RBMS2: variants seen among roughly 807,000 people sequenced by gnomAD.
RBMS2 encodes the protein RNA-binding motif, single-stranded-interacting protein 2.
A neutral mutation model predicts 58.4 loss-of-function variants in RBMS2; 38 were observed. The observed-to-expected ratio is 0.65, with a 90% CI of 0.50 to 0.85. RBMS2 has a LOEUF of 0.85. Ranked by LOEUF, RBMS2 falls within the 40% of genes least tolerant of loss-of-function variation. The pLI, the probability that RBMS2 is intolerant of heterozygous loss-of-function variation, is 0.00. For synonymous variants in RBMS2, 151 were observed against 180.7 expected, an observed-to-expected ratio of 0.84 and a Z score of 1.32; for missense variants, 367 against 503.7, an observed-to-expected ratio of 0.73 and a Z score of 2.60.
chr12:56,557,740 TC>T (rs1879481982), intron 1 of RBMS2, among the ~76,000 whole-genome samples: 2 of 149,496 alleles, frequency 1.3e-5, no homozygotes, highest in African/African-American at 2.5e-5. Flanking sequence ...TCTTTTCTTT[TC>T]TTTTTTTTTT....
chr12:56,521,749 C>T (rs1421710809), upstream of RBMS2, among the ~76,000 whole-genome samples: 1 of 151,924 alleles, frequency 6.6e-6, no homozygotes, highest in African/African-American at 2.4e-5. Flanking sequence ...ACATCTTGGG[C>T]ATTAGGACCC....
At chr12:56,578,781 ATGG>A (rs1302098698) in intron 5 of RBMS2, among the ~76,000 whole-genome samples, 2 of 151,996 alleles carry the variant, frequency 1.3e-5, no homozygotes, top group Non-Finnish European at 2.9e-5. Context: ...CCTGGACAAC[ATGG>A]TGAAACCCCA....
At chr12:56,571,151 CA>C (rs1882231333) in intron 4 of RBMS2, among the ~76,000 whole-genome samples, 1 of 152,178 alleles carries the variant, frequency 6.6e-6, no homozygotes, top group Non-Finnish European at 1.5e-5. Context: ...GACAAAAGCT[CA>C]AAGGTTTAGG....
intron 1 of RBMS2, among the ~76,000 whole-genome samples, chr12:56,524,394 G>T (rs1052659243): frequency 6.6e-6 from 1 of 150,978 alleles, no homozygotes; most frequent in Non-Finnish European, 1.5e-5. Flanking sequence ...GTTTGTGAAC[G>T]TGGAGGGTTT....
chr12:56,580,782 G>T (rs1270408819), intron 5 of RBMS2, among the ~76,000 whole-genome samples: 1 of 152,080 alleles, frequency 6.6e-6, no homozygotes, highest in African/African-American at 2.4e-5. Flanking sequence ...ACAACAAGGA[G>T]CAAAAAATAA....
chr12:56,587,437 A>AT lies in RBMS2; in HGVS notation c.952-117_952-116insT. 9.1e-6 allele frequency: 10 copies of AT among 1,103,554 alleles called. No homozygotes were observed. The South Asian group carries it at 1.7e-4, about 18-fold the overall frequency. The allele number at this position is 1,103,554 out of a possible 1,614,324, so 68.4% of individuals were successfully genotyped here. ...TGCATAGTTGGGTTGCTGCTCACTT[A>AT]CCATTTCCCAGGATTCTTAAATGTC... On this transcript the variant is annotated intron_variant, in intron 10 of 13. Transcript: ENST00000262031.
chr12:56,542,075 G>A (rs899227832), intron 1 of RBMS2, among the ~76,000 whole-genome samples: 1 of 151,584 alleles, frequency 6.6e-6, no homozygotes, highest in East Asian at 1.9e-4. Flanking sequence ...TTTGAGACAG[G>A]GTCTCACTGT....
intron 1 of RBMS2, among the ~76,000 whole-genome samples, chr12:56,559,723 C>T (rs1468608400): frequency 3.3e-5 from 5 of 149,780 alleles, no homozygotes; most frequent in Non-Finnish European, 7.4e-5. Flanking sequence ...TGGTGGCGGG[C>T]GCCTGTAGTC....
chr12:56,533,564 T>C (rs553582213), intron 1 of RBMS2, among the ~76,000 whole-genome samples: 41 of 151,626 alleles, frequency 2.7e-4, no homozygotes, highest in Admixed American at 1.8e-3. Context: ...TATAGGCGCA[T>C]GCCACTACAC....
intron 1 of RBMS2, among the ~76,000 whole-genome samples, chr12:56,537,058 T>C (rs1219375003): frequency 6.6e-6 from 1 of 151,868 alleles, no homozygotes; most frequent in East Asian, 1.9e-4. Flanking sequence ...GTAGCTGGGA[T>C]TACGGGCACC....
chr12:56,545,743 G>T (rs1877047802), intron 1 of RBMS2, among the ~76,000 whole-genome samples: 1 of 152,074 alleles, frequency 6.6e-6, no homozygotes, highest in Admixed American at 6.6e-5. Flanking sequence ...ACTTCACATT[G>T]TACCATGTAT....
In RBMS2 at chr12:56,594,506, C is replaced by G. The variant is rs748079773; in HGVS notation, c.*5373C>G. The stretch of plus-strand genomic sequence containing the variant: ...TGTTATACCAATCCTTCCTGATTCC[C>G]GTTTAAACCAACTACTCTATTTCTG... On this transcript the variant is annotated 3_prime_UTR_variant, in exon 14 of 14. Coordinates refer to ENST00000262031, the MANE Select transcript of RBMS2 (RefSeq NM_002898.4). 1 of 152,190 alleles carries G rather than the reference C, an allele frequency of 6.6e-6. No homozygotes were observed. The highest frequency in any genetic ancestry group is 2.4e-5 in the African/African-American group (1 of 41,446). The allele number at this position is 152,190 out of a possible 1,614,324, so 9.4% of individuals were successfully genotyped here.
At chr12:56,555,704 C>A (rs1879113713) in intron 1 of RBMS2, among the ~76,000 whole-genome samples, 1 of 152,094 alleles carries the variant, frequency 6.6e-6, no homozygotes. Flanking sequence ...ATCCTCCCAC[C>A]TCAGTCTCCT....
intron 1 of RBMS2, among the ~76,000 whole-genome samples, chr12:56,550,899 T>G (rs1185455454): frequency 6.6e-6 from 1 of 150,882 alleles, no homozygotes; most frequent in East Asian, 1.9e-4. Flanking sequence ...AGGGATAGGC[T>G]GAGGCAGGAG....
chr12:56,541,343 G>A (rs941566752), intron 1 of RBMS2, among the ~76,000 whole-genome samples: 2 of 152,036 alleles, frequency 1.3e-5, no homozygotes, highest in Non-Finnish European at 2.9e-5. Flanking sequence ...GAATGAAATT[G>A]ATTTACTTTA....
chr12:56,560,600 G>A (rs568820607), intron 1 of RBMS2, among the ~76,000 whole-genome samples: 3 of 151,970 alleles, frequency 2.0e-5, no homozygotes, highest in East Asian at 3.9e-4. Context: ...TTGTTATATT[G>A]CCCAGGCTGG....
At chr12:56,569,065 G>C (rs754445982) in intron 3 of RBMS2, 32 bp downstream of exon 3, 2 of 1,573,332 alleles carry the variant, frequency 1.3e-6, no homozygotes. Flanking sequence ...GTGTTGGAGA[G>C]CACCAGTAAG....
chr12:56,551,853 C>T lies in RBMS2; in HGVS notation c.67-10564C>T, dbSNP rs193133323. On this transcript the variant is annotated intron_variant, in intron 1 of 13. Coordinates refer to ENST00000262031, the MANE Select transcript of RBMS2 (RefSeq NM_002898.4). ...CTGTAATCCCAGCATTTTGGGAAGC[C>T]GAGGTGGGCAGATCACCTGAGGTCG... Among the ~76,000 whole-genome samples the T allele has an allele frequency of 2.7e-4, 41 of 152,230 alleles. 1 individual carries two copies. Among genetic ancestry groups the T allele is most frequent in the African/African-American group, 7.5e-4 (31 of 41,536 alleles).
chr12:56,552,084 A>C (rs994819463), intron 1 of RBMS2, among the ~76,000 whole-genome samples: 1 of 152,200 alleles, frequency 6.6e-6, no homozygotes, highest in Non-Finnish European at 1.5e-5. Context: ...AAGGCATGAA[A>C]AGCCTGGTAG....
Sources: gnomAD v4.1 joint callset for allele counts (sites outside exome capture counted in the v4.1 genomes callset) on GRCh38, gnomAD v4.1.1 for gene constraint, MANE v1.5 for transcripts, NCBI Gene and HGNC (gene_info 2026-07-23, HGNC 2026-07-21) for gene names.